KIF13A: variants seen among roughly 807,000 people sequenced by gnomAD.
KIF13A encodes the protein kinesin-like protein KIF13A.
Under a neutral mutation model 212.2 loss-of-function variants are expected in KIF13A, and 79 were observed. That is an observed-to-expected ratio of 0.37 (90% CI 0.31 to 0.45). The LOEUF is 0.45. KIF13A is among the 20% of genes least tolerant of loss of function. KIF13A has a pLI of 1.00. For synonymous variants in KIF13A, 789 were observed against 808.6 expected, an observed-to-expected ratio of 0.98 and a Z score of 0.41; for missense variants, 1,901 against 2,209.0, an observed-to-expected ratio of 0.86 and a Z score of 2.79.
In KIF13A at chr6:17,850,855, C is replaced by T. The variant is rs565053072; in HGVS notation, c.583-398G>A. Among the ~76,000 whole-genome samples the T allele has an allele frequency of 1.3e-4, 20 of 152,308 alleles. No individual in the cohort carries two copies. Among genetic ancestry groups the T allele is most frequent in the Admixed American group, 1.0e-3 (16 of 15,286 alleles). ...CTCCCTCCTCCAATACTGTGGCTCC[C>T]TGATGGCAGGGTTTTTTCCTTATTC... On this transcript the variant is annotated intron_variant, in intron 7 of 38. Transcript: ENST00000259711. This position sits in a 1 kb window ranked among gnomAD's most constrained non-coding sequence, Gnocchi z 6.2.
chr6:17,847,277 C>A (rs1382588068), intron 9 of KIF13A, among the ~76,000 whole-genome samples: 3 of 152,186 alleles, frequency 2.0e-5, no homozygotes, highest in Non-Finnish European at 4.4e-5. Flanking sequence ...CCCATTTCTG[C>A]CTCCCCATCC....
chr6:17,910,919 T>C (rs1773999450), intron 2 of KIF13A, among the ~76,000 whole-genome samples: 2 of 152,128 alleles, frequency 1.3e-5, no homozygotes, highest in Admixed American at 1.3e-4. Flanking sequence ...CCTGCCACCA[T>C]GCCCAGCTAA....
Position 17,778,972 on chromosome 6 carries a change from A to T in KIF13A, c.4067T>A (p.Ile1356Asn), listed in dbSNP as rs1226851833. The T allele has an allele frequency of 6.2e-7, 1 of 1,605,690 alleles. No individual in the cohort carries two copies. Among genetic ancestry groups the T allele is most frequent in the African/African-American group, 1.3e-5 (1 of 74,726 alleles). ...CTGCCGGAGCCGTTCAAGACTCAGAATGTTTTCCACCTGCAGCACGCCTCG... is the reference window on the plus strand; with the variant it reads ...CTGCCGGAGCCGTTCAAGACTCAGATTGTTTTCCACCTGCAGCACGCCTCG... ...YTRGVLQVEN[I>N]LSLERLRQAV... The change falls in exon 33 of 39, where the codon ATT (isoleucine) becomes AAT (asparagine). Residue 1356 changes from isoleucine (I) to asparagine (N), a missense_variant. By Grantham distance (149) the Ile-to-Asn change is moderately radical. Transcript: ENST00000259711.
At chr6:17,835,138 A>G (rs1273078960) in intron 11 of KIF13A, among the ~76,000 whole-genome samples, 1 of 142,174 alleles carries the variant, frequency 7.0e-6, no homozygotes, top group East Asian at 2.3e-4. Context: ...GTGAGCCAAG[A>G]TGGTGCCACT....
rs372810453 is a variant in KIF13A, at chr6:17,827,082, T to A, written c.1533-958A>T. ...GTCTCAAAATAAATTAAAAAAAAAA[T>A]AAATAAATAAAATAATTTTTTTTCT... On this transcript the variant is annotated intron_variant, in intron 14 of 38. Coordinates refer to ENST00000259711, the MANE Select transcript of KIF13A (RefSeq NM_022113.6). Among the ~76,000 whole-genome samples, 46 of 100,594 alleles carry A rather than the reference T, an allele frequency of 4.6e-4. No homozygotes were observed. The South Asian group carries it at 8.1e-3, about 18-fold the overall frequency. The allele number at this position is 100,594 out of a possible 152,430, so 66.0% of individuals were successfully genotyped here.
chr6:17,981,024 CTTTTTTTTTT>C (rs71687340), intron 2 of KIF13A, among the ~76,000 whole-genome samples: 2 of 142,664 alleles, frequency 1.4e-5, no homozygotes, highest in Admixed American at 1.4e-4. Context: ...AAGAGGGGGA[CTTTTTTTTTT>C]TTTTTAAACA....
intron 2 of KIF13A, among the ~76,000 whole-genome samples, chr6:17,920,040 G>T (rs1041118797): frequency 2.0e-5 from 3 of 152,186 alleles, no homozygotes; most frequent in Non-Finnish European, 4.4e-5. Flanking sequence ...AATGATTTAG[G>T]ATTAAGCTTG....
In KIF13A at chr6:17,948,557, C is replaced by CTTTTTTTTT. The variant is rs71002289; in HGVS notation, c.146+38488_146+38496dup. Reference sequence around the variant, plus strand: ...CACAGTACCACATAACATCCATTTACTTTTTTTTTTTTTTTTTTTTTTTTG... The same window carrying CTTTTTTTTT: ...CACAGTACCACATAACATCCATTTACTTTTTTTTTTTTTTTTTTTTTTTTTTTTTTTTTG... On this transcript the variant is annotated intron_variant, in intron 2 of 38. Transcript: ENST00000259711. 5.6e-4 allele frequency among the ~76,000 whole-genome samples: 47 copies of CTTTTTTTTT among 84,134 alleles called. 1 individual carries two copies. The highest frequency in any genetic ancestry group is 1.6e-3 in the East Asian group (4 of 2,436). The allele number at this position is 84,134 out of a possible 152,430, so 55.2% of individuals were successfully genotyped here.
At chr6:17,810,064 TA>T (rs1206550710) in intron 17 of KIF13A, among the ~76,000 whole-genome samples, 2 of 150,664 alleles carry the variant, frequency 1.3e-5, no homozygotes, top group South Asian at 2.1e-4. Context: ...TCATCTCTAT[TA>T]AAAAAAAACA....
chr6:17,843,388 A>G lies in KIF13A; in HGVS notation c.831-5805T>C, dbSNP rs563548560. On this transcript the variant is annotated intron_variant, in intron 9 of 38. Transcript: ENST00000259711. This position sits in a 1 kb window ranked among gnomAD's most constrained non-coding sequence, Gnocchi z 5.3. Reference sequence around the variant, plus strand: ...CTCTCTGCAGCTTCGGGTAGCCATTAAACACAGTTCTGGCCAAGGAGATGT... The same window carrying G: ...CTCTCTGCAGCTTCGGGTAGCCATTGAACACAGTTCTGGCCAAGGAGATGT... 5.8e-3 allele frequency among the ~76,000 whole-genome samples: 877 copies of G among 152,332 alleles called. 7 individuals are homozygous for G. The highest frequency in any genetic ancestry group is 0.02 in the African/African-American group (825 of 41,564).
Position 17,789,067 on chromosome 6 carries a change from T to C in KIF13A, c.3261+805A>G, listed in dbSNP as rs544489550. Among the ~76,000 whole-genome samples, 16 of 152,278 alleles carry C rather than the reference T, an allele frequency of 1.1e-4. No homozygotes were observed. The South Asian group carries it at 2.7e-3, about 26-fold the overall frequency. ...TGTAGGAAGGCACACTGGGAAAACA[T>C]CCTTTGAAGATGTGTATGGAGAATC... On this transcript the variant is annotated intron_variant, in intron 26 of 38. Coordinates refer to ENST00000259711, the MANE Select transcript of KIF13A (RefSeq NM_022113.6). The surrounding 1 kb of genome is among the most constrained non-coding windows in gnomAD (Gnocchi z 4.8).
intron 2 of KIF13A, among the ~76,000 whole-genome samples, chr6:17,907,143 C>T (rs1043152364): frequency 6.6e-6 from 1 of 152,146 alleles, no homozygotes; most frequent in Non-Finnish European, 1.5e-5. Context: ...TGCTTTAACT[C>T]ACTTAACATA....
chr6:17,806,910 C>G (rs1251700080), intron 18 of KIF13A, among the ~76,000 whole-genome samples: 2 of 152,136 alleles, frequency 1.3e-5, no homozygotes, highest in African/African-American at 4.8e-5. Context: ...AAGTCAGGGA[C>G]CCCAAACGGA....
chr6:17,937,200 T>C (rs1043523009), intron 2 of KIF13A, among the ~76,000 whole-genome samples: 3 of 152,096 alleles, frequency 2.0e-5, no homozygotes, highest in Non-Finnish European at 4.4e-5. Context: ...CATACATACA[T>C]AAATGGAAAG....
Position 17,945,969 on chromosome 6 carries a change from T to C in KIF13A, c.146+41085A>G, listed in dbSNP as rs1373107482. On this transcript the variant is annotated intron_variant, in intron 2 of 38. Transcript: ENST00000259711. ...GTGCCAGGATAATAGGTTATCTTGA[T>C]GGGGCGAAATTAATCTCTACTTCAT... Among the ~76,000 whole-genome samples, 3 of 152,210 alleles carry C rather than the reference T, an allele frequency of 2.0e-5. 1 individual carries two copies. The East Asian group carries it at 5.8e-4, about 29-fold the overall frequency.
intron 4 of KIF13A, among the ~76,000 whole-genome samples, chr6:17,857,722 C>A (rs1768276697): frequency 6.6e-6 from 1 of 152,110 alleles, no homozygotes. Flanking sequence ...TAAACGCATA[C>A]AGACATTCTG....
rs949954298 is a variant in KIF13A, at chr6:17,834,312, T to C, written c.1156-241A>G. 5.3e-5 allele frequency among the ~76,000 whole-genome samples: 8 copies of C among 152,226 alleles called. No homozygotes were observed. Among genetic ancestry groups the C allele is most frequent in the Non-Finnish European group, 4.4e-5 (3 of 68,038 alleles). ...ATGAAACAAATCATTAGTCATTTTA[T>C]CCATTATACTTAAATTTCACATTTA... On this transcript the variant is annotated intron_variant, in intron 11 of 38. Transcript: ENST00000259711. The surrounding 1 kb of genome is among the most constrained non-coding windows in gnomAD (Gnocchi z 4.0).
intron 2 of KIF13A, among the ~76,000 whole-genome samples, chr6:17,945,111 T>C (rs1235765137): frequency 1.3e-5 from 2 of 152,152 alleles, no homozygotes; most frequent in South Asian, 2.1e-4. Context: ...TGTCTCTATT[T>C]AAAAAATTAA....
intron 35 of KIF13A, among the ~76,000 whole-genome samples, 176 bp downstream of exon 35, chr6:17,774,839 T>C (rs7754265): frequency 0.032 from 4,821 of 151,448 alleles, 121 homozygotes; most frequent in Admixed American, 0.048. Context: ...AATGGAGTTG[T>C]GGAGAGAGTT....
Sources: gnomAD v4.1 joint callset for allele counts (sites outside exome capture counted in the v4.1 genomes callset) on GRCh38, gnomAD v4.1.1 for gene constraint, Gnocchi (gnomAD v3.1) non-coding constraint, MANE v1.5 for transcripts, NCBI Gene and HGNC (gene_info 2026-07-23, HGNC 2026-07-21) for gene names.